Variants in COPA observed in about 807,000 individuals in gnomAD.
The protein encoded by COPA is coatomer subunit alpha.
In COPA, 10 loss-of-function variants were observed where a neutral mutation model predicts 158.7. The ratio of observed to expected loss-of-function variants is 0.06; its 90% CI spans 0.04 to 0.11. The LOEUF is 0.11. Among genes scored for constraint, COPA ranks in the 10% least tolerant of loss-of-function variants. The probability of loss-of-function intolerance (pLI) is 1.00; values close to 1 mark genes in which losing one functional copy is unlikely to be tolerated. For synonymous variants in COPA, 462 were observed against 542.8 expected, an observed-to-expected ratio of 0.85 and a Z score of 2.07; for missense variants, 1,065 against 1,536.7, an observed-to-expected ratio of 0.69 and a Z score of 5.13.
At chr1:160,326,747 C>G (rs1446178763) in intron 6 of COPA, among the ~76,000 whole-genome samples, 1 of 152,182 alleles carries the variant, frequency 6.6e-6, no homozygotes, top group Non-Finnish European at 1.5e-5. Flanking sequence ...TTAAAACTGT[C>G]ATGTCATTTT....
At chr1:160,338,201 A>C (rs1184105285) in intron 3 of COPA, among the ~76,000 whole-genome samples, 1 of 152,224 alleles carries the variant, frequency 6.6e-6, no homozygotes, top group Non-Finnish European at 1.5e-5. Flanking sequence ...AATGTTCATC[A>C]CTATAAATAA....
At chr1:160,333,266 T>A (rs1300824486) in intron 5 of COPA, among the ~76,000 whole-genome samples, 2 of 152,218 alleles carry the variant, frequency 1.3e-5, no homozygotes, top group Non-Finnish European at 2.9e-5. Flanking sequence ...CATGGAAAGT[T>A]CTATGTAAAG....
At chr1:160,297,201 A>G in intron 21 of COPA, 142 bp downstream of exon 21, 1 of 727,438 alleles carries the variant, frequency 1.4e-6, no homozygotes, top group Non-Finnish European at 2.3e-6. Flanking sequence ...AAAATCTTCT[A>G]AGCACAGTAG....
intron 3 of COPA, among the ~76,000 whole-genome samples, chr1:160,338,233 G>A (rs895097280): frequency 6.6e-6 from 1 of 152,168 alleles, no homozygotes. Context: ...ATACTATAAT[G>A]AGGTGATATC....
chr1:160,312,708 G>A (rs1003946684), intron 10 of COPA, among the ~76,000 whole-genome samples: 1 of 152,146 alleles, frequency 6.6e-6, no homozygotes, highest in Non-Finnish European at 1.5e-5. Flanking sequence ...GCTCCAACTG[G>A]CCTCTTTGGT....
chr1:160,312,400 A>G (rs1247025703), intron 10 of COPA, among the ~76,000 whole-genome samples: 1 of 152,224 alleles, frequency 6.6e-6, no homozygotes, highest in Non-Finnish European at 1.5e-5. Flanking sequence ...TCTAGCATAT[A>G]AAAAGAGTAT....
At chr1:160,311,014 T>C (rs1305284679) in intron 11 of COPA, among the ~76,000 whole-genome samples, 1 of 152,154 alleles carries the variant, frequency 6.6e-6, no homozygotes, top group Non-Finnish European at 1.5e-5. Context: ...GTCACTAGCA[T>C]TCTCAAGAAG....
At chr1:160,331,453 G>A (rs1647510922) in intron 6 of COPA, among the ~76,000 whole-genome samples, 1 of 151,972 alleles carries the variant, frequency 6.6e-6, no homozygotes. Flanking sequence ...AGGAGTTCGA[G>A]ACCAGCCTGG....
intron 10 of COPA, 64 bp from the exon 11 acceptor site, chr1:160,312,082 G>A: frequency 6.5e-7 from 1 of 1,549,014 alleles, no homozygotes. Context: ...CTGGAAATTG[G>A]AGATACGTAA....
intron 30 of COPA, 71 bp from the exon 31 acceptor site, chr1:160,291,567 C>A: frequency 1.3e-6 from 2 of 1,538,688 alleles, no homozygotes; most frequent in Non-Finnish European, 1.8e-6. Flanking sequence ...TAAGCTGCTA[C>A]ACATGCATAA....
intron 8 of COPA, among the ~76,000 whole-genome samples, chr1:160,321,175 G>A (rs1004828891): frequency 3.9e-5 from 6 of 151,936 alleles, no homozygotes; most frequent in Non-Finnish European, 8.8e-5. Context: ...TTATCAACAT[G>A]GGTAGAGAAA....
At chr1:160,308,368 C>A (rs1265746462) in intron 13 of COPA, among the ~76,000 whole-genome samples, 1 of 152,096 alleles carries the variant, frequency 6.6e-6, no homozygotes, top group Non-Finnish European at 1.5e-5. Flanking sequence ...CCCAGGGGCA[C>A]CCACAAAAGA....
At chr1:160,328,127 C>T (rs191033847) in intron 6 of COPA, among the ~76,000 whole-genome samples, 1 of 152,272 alleles carries the variant, frequency 6.6e-6, no homozygotes, top group East Asian at 1.9e-4. Flanking sequence ...ATATACTCTC[C>T]CAAAGGCTCA....
At chr1:160,327,579 T>A in intron 6 of COPA, among the ~76,000 whole-genome samples, 1 of 147,834 alleles carries the variant, frequency 6.8e-6, no homozygotes, top group East Asian at 2.0e-4. Flanking sequence ...AAAAGGAGGC[T>A]GGGCACGGTG....
rs781355201 is a variant in COPA, at chr1:160,294,568, A to T, written c.2592T>A (p.Gly864=). Residue 864 remains glycine, a synonymous_variant, in exon 25 of 33, where the codon GGT becomes GGA. Coordinates refer to ENST00000241704, the MANE Select transcript of COPA (RefSeq NM_004371.4). The part of the protein sequence containing the change: ...DEDGFVEATE[G]LGDDALGKGQ... ...CCTTGCCAAGAGCATCATCCCCCAA[A>T]CCTTCTGTAGCCTCCACAAACCCAT... 31 of 1,614,002 alleles carry T rather than the reference A, an allele frequency of 1.9e-5. No homozygotes were observed. In the South Asian group the frequency reaches 3.3e-4, roughly 17 times the overall value.
intron 4 of COPA, 93 bp downstream of exon 4, chr1:160,335,149 C>T: frequency 8.7e-7 from 1 of 1,155,988 alleles, no homozygotes; most frequent in Non-Finnish European, 1.2e-6. Context: ...AAAAACAACT[C>T]TATTATTAAA....
intron 3 of COPA, among the ~76,000 whole-genome samples, chr1:160,336,674 C>T (rs1237812646): frequency 1.3e-5 from 2 of 152,056 alleles, no homozygotes; most frequent in African/African-American, 4.8e-5. Flanking sequence ...CTAAAATGTA[C>T]AAAAATAAGA....
intron 8 of COPA, among the ~76,000 whole-genome samples, chr1:160,320,110 T>C (rs1000885871): frequency 5.9e-5 from 9 of 151,956 alleles, no homozygotes; most frequent in African/African-American, 1.7e-4. Flanking sequence ...TTTGAAAAGA[T>C]AGTATCAACA....
chr1:160,308,164 G>A (rs1036907409), intron 13 of COPA, among the ~76,000 whole-genome samples: 1 of 134,060 alleles, frequency 7.5e-6, no homozygotes, highest in Non-Finnish European at 1.6e-5. Context: ...TCTATTAATT[G>A]TAAACACAGA....
Sources: gnomAD v4.1 joint callset for allele counts (sites outside exome capture counted in the v4.1 genomes callset) on GRCh38, gnomAD v4.1.1 for gene constraint, MANE v1.5 for transcripts, NCBI Gene and HGNC (gene_info 2026-07-23, HGNC 2026-07-21) for gene names.